BMPR1B: variants seen among roughly 807,000 people sequenced by gnomAD.
BMPR1B encodes the protein bone morphogenetic protein receptor type 1B, also known as bone morphogenetic protein receptor type-1B.
Under a neutral mutation model 59.1 loss-of-function variants are expected in BMPR1B, and 12 were observed. The observed-to-expected ratio is 0.20, with a 90% CI of 0.13 to 0.33. The LOEUF is 0.33. Ranked by LOEUF, BMPR1B falls within the 10% of genes least tolerant of loss-of-function variation. The pLI is 1.00. For missense variants in BMPR1B, 550 were observed against 610.9 expected, an observed-to-expected ratio of 0.90 and a Z score of 1.05; for synonymous variants, 237 against 207.3, an observed-to-expected ratio of 1.14 and a Z score of -1.23.
chr4:95,009,064 A>G (rs1453620792), intron 3 of BMPR1B, among the ~76,000 whole-genome samples: 1 of 152,018 alleles, frequency 6.6e-6, no homozygotes, highest in Non-Finnish European at 1.5e-5. Flanking sequence ...CTCTCTTAGA[A>G]AAAAAAAGAG....
intron 2 of BMPR1B, among the ~76,000 whole-genome samples, chr4:94,937,615 C>T (rs1048115774): frequency 1.8e-4 from 28 of 152,204 alleles, no homozygotes; most frequent in African/African-American, 6.3e-4. Context: ...ATCTGACGGG[C>T]AAGACTTAAA....
chr4:95,133,273 A>G (rs780969272), intron 10 of BMPR1B, among the ~76,000 whole-genome samples: 5 of 152,092 alleles, frequency 3.3e-5, no homozygotes, highest in South Asian at 2.1e-4. Context: ...CACTGAATTT[A>G]TTTTCTTGAA....
chr4:94,775,476 T>C (rs943247984), intron 1 of BMPR1B, among the ~76,000 whole-genome samples: 1 of 152,236 alleles, frequency 6.6e-6, no homozygotes, highest in African/African-American at 2.4e-5. Context: ...TTTCCTTTTT[T>C]TCCAATTTAA....
intron 3 of BMPR1B, among the ~76,000 whole-genome samples, chr4:95,104,116 T>C (rs1731017442): frequency 6.6e-6 from 1 of 151,902 alleles, no homozygotes; most frequent in African/African-American, 2.4e-5. Flanking sequence ...TAGTAGAGGT[T>C]GTCTATATAA....
At chr4:95,122,654 G>T (rs1380872275) in intron 6 of BMPR1B, among the ~76,000 whole-genome samples, 1 of 152,126 alleles carries the variant, frequency 6.6e-6, no homozygotes, top group Admixed American at 6.5e-5. Context: ...TTTCCTGAGT[G>T]TTGAAGAGGT....
In BMPR1B at chr4:95,104,417, T is replaced by C. The variant is rs770844919; in HGVS notation, c.-8T>C. On this transcript the variant is annotated 5_prime_UTR_variant, in exon 4 of 13. Coordinates refer to ENST00000515059, the MANE Select transcript of BMPR1B (RefSeq NM_001203.3). The stretch of plus-strand genomic sequence containing the variant: ...CTATTTCTTCTTTCAGCAAACTTCC[T>C]TGATAACATGCTTTTGCGAAGTGCA... 11 of 1,612,952 alleles carry C rather than the reference T, an allele frequency of 6.8e-6. No individual in the cohort carries two copies. The African/African-American group carries it at 1.2e-4, about 18-fold the overall frequency.
At chr4:94,839,899 C>T (rs146645953) in intron 1 of BMPR1B, among the ~76,000 whole-genome samples, 31,075 of 150,574 alleles carry the variant, frequency 0.21, 3,368 homozygotes, top group African/African-American at 0.24. Flanking sequence ...TGGCTGGTAC[C>T]GGTTGTTCCT....
rs1722775023 is a variant in BMPR1B at position 94,786,648 on chromosome 4, C to T, written c.-183+28580C>T. Among the ~76,000 whole-genome samples the T allele has an allele frequency of 2.0e-5, 3 of 152,218 alleles. No homozygotes were observed. In the South Asian group the frequency reaches 6.2e-4, roughly 32 times the overall value. ...CCGCCTCCCGGATTCACACCATTCT[C>T]CTGCCTCAGCCTCCAAAGTAGCTGG... On this transcript the variant is annotated intron_variant, in intron 1 of 12. Transcript: ENST00000515059.
At chr4:94,943,342 T>G (rs1421816937) in intron 2 of BMPR1B, among the ~76,000 whole-genome samples, 4 of 152,112 alleles carry the variant, frequency 2.6e-5, no homozygotes, top group African/African-American at 9.7e-5. Flanking sequence ...TTTCTCCATA[T>G]TGGTCAGGCT....
At chr4:95,150,347 C>T (rs1005269743) in intron 11 of BMPR1B, among the ~76,000 whole-genome samples, 10 of 151,686 alleles carry the variant, frequency 6.6e-5, no homozygotes, top group African/African-American at 9.7e-5. Flanking sequence ...ATAAGCCTCA[C>T]GTTTGCATTC....
chr4:94,933,049 G>T (rs1293140103), intron 2 of BMPR1B, among the ~76,000 whole-genome samples: 1 of 151,974 alleles, frequency 6.6e-6, no homozygotes, highest in South Asian at 2.1e-4. Flanking sequence ...TCAGCATCTG[G>T]TGTATCTTTC....
intron 2 of BMPR1B, among the ~76,000 whole-genome samples, chr4:94,908,186 A>G (rs1728133115): frequency 6.6e-6 from 1 of 151,680 alleles, no homozygotes; most frequent in South Asian, 2.1e-4. Context: ...GGAGACAAGA[A>G]GATATTTTTC....
At chr4:95,081,425 G>C (rs1043108429) in intron 3 of BMPR1B, among the ~76,000 whole-genome samples, 3 of 152,174 alleles carry the variant, frequency 2.0e-5, no homozygotes, top group African/African-American at 7.2e-5. Flanking sequence ...AATTGAGCTT[G>C]CCAGTTCAAG....
intron 6 of BMPR1B, among the ~76,000 whole-genome samples, chr4:95,120,044 A>C (rs1207903077): frequency 6.6e-6 from 1 of 152,092 alleles, no homozygotes; most frequent in Non-Finnish European, 1.5e-5. Context: ...GTTAATCCAC[A>C]GTGTCTGTTC....
intron 1 of BMPR1B, among the ~76,000 whole-genome samples, chr4:94,835,315 G>A (rs1208904436): frequency 2.0e-5 from 3 of 152,094 alleles, no homozygotes; most frequent in Non-Finnish European, 2.9e-5. Flanking sequence ...GATTACAAAC[G>A]TGTACCACCA....
At chr4:94,881,294 C>G (rs1032077059) in intron 2 of BMPR1B, among the ~76,000 whole-genome samples, 1 of 152,022 alleles carries the variant, frequency 6.6e-6, no homozygotes, top group African/African-American at 2.4e-5. Flanking sequence ...TAAGACCTCT[C>G]CCCCACAAAC....
intron 2 of BMPR1B, among the ~76,000 whole-genome samples, chr4:94,992,759 T>A (rs1721830920): frequency 6.6e-6 from 1 of 152,248 alleles, no homozygotes; most frequent in African/African-American, 2.4e-5. Context: ...TCATACAGAG[T>A]AGTTTCACTG....
intron 3 of BMPR1B, among the ~76,000 whole-genome samples, chr4:95,000,352 A>G (rs898418311): frequency 2.6e-5 from 4 of 152,208 alleles, no homozygotes; most frequent in South Asian, 4.1e-4. Flanking sequence ...TTTTTTTCAG[A>G]TATAGTTTGC....
intron 1 of BMPR1B, among the ~76,000 whole-genome samples, chr4:94,875,512 G>A (rs566742089): frequency 4.6e-5 from 7 of 152,244 alleles, no homozygotes; most frequent in East Asian, 1.9e-4. Flanking sequence ...GTGAAACCCC[G>A]TCTCTACTAA....
Sources: allele counts gnomAD v4.1 joint callset (sites outside exome capture counted in the v4.1 genomes callset), GRCh38; gene constraint gnomAD v4.1.1; transcripts MANE v1.5; gene names NCBI Gene and HGNC (gene_info 2026-07-23, HGNC 2026-07-21).